The following TRPM3 variants were observed in gnomAD, a reference collection of about 807,000 sequenced individuals.
The protein encoded by TRPM3 is long transient receptor potential channel 3.
A neutral mutation model predicts 181.2 loss-of-function variants in TRPM3; 77 were observed. The ratio of observed to expected loss-of-function variants is 0.42; its 90% CI spans 0.35 to 0.51. TRPM3 has a LOEUF of 0.51. TRPM3 is among the 20% of genes least tolerant of loss of function. The probability of loss-of-function intolerance (pLI) is 0.01; values close to 1 mark genes in which losing one functional copy is unlikely to be tolerated. For missense variants in TRPM3, 1,759 were observed against 2,196.7 expected, an observed-to-expected ratio of 0.80 and a Z score of 3.98; for synonymous variants, 745 against 796.4, an observed-to-expected ratio of 0.94 and a Z score of 1.09.
At chr9:70,643,320 G>C (rs1235882030) in intron 9 of TRPM3, among the ~76,000 whole-genome samples, 1 of 152,190 alleles carries the variant, frequency 6.6e-6, no homozygotes, top group Admixed American at 6.5e-5. Flanking sequence ...GTGCTGACTT[G>C]CTGGAATAGT....
intron 6 of TRPM3, among the ~76,000 whole-genome samples, chr9:70,788,685 C>A (rs1228657232): frequency 6.6e-6 from 1 of 152,046 alleles, no homozygotes; most frequent in Non-Finnish European, 1.5e-5. Context: ...TACAACTCAC[C>A]ATAATGTAGA....
At chr9:71,294,571 G>A (rs1302955384) in intron 1 of TRPM3, among the ~76,000 whole-genome samples, 1 of 148,468 alleles carries the variant, frequency 6.7e-6, no homozygotes, top group East Asian at 1.9e-4. Flanking sequence ...ACTTGGTATT[G>A]TATAGTAGAG....
intron 1 of TRPM3, among the ~76,000 whole-genome samples, chr9:71,048,144 A>C (rs561375140): frequency 1.3e-5 from 2 of 152,308 alleles, no homozygotes; most frequent in Admixed American, 6.5e-5. Flanking sequence ...AACCACAATT[A>C]CTTTTGCACC....
At chr9:71,028,030 G>A (rs1218956498) in intron 1 of TRPM3, among the ~76,000 whole-genome samples, 2 of 152,144 alleles carry the variant, frequency 1.3e-5, no homozygotes, top group East Asian at 3.9e-4. Context: ...CTCCAAGGTA[G>A]AAAAGAAAGA....
intron 1 of TRPM3, among the ~76,000 whole-genome samples, chr9:71,288,840 C>T (rs2085524723): frequency 6.6e-6 from 1 of 151,948 alleles, no homozygotes; most frequent in Non-Finnish European, 1.5e-5. Context: ...CTGGAAGCTC[C>T]CAATGGTTGA....
At chr9:70,841,248 A>C (rs1247900786) in intron 5 of TRPM3, among the ~76,000 whole-genome samples, 3 of 152,124 alleles carry the variant, frequency 2.0e-5, no homozygotes, top group Non-Finnish European at 4.4e-5. Flanking sequence ...TTACTTTTCC[A>C]GTCAGGTCTG....
chr9:70,622,548 A>G (rs999502286), intron 14 of TRPM3, among the ~76,000 whole-genome samples: 1 of 152,254 alleles, frequency 6.6e-6, no homozygotes, highest in Non-Finnish European at 1.5e-5. Context: ...AATAGCATGG[A>G]AAGTGTCAGC....
intron 6 of TRPM3, among the ~76,000 whole-genome samples, chr9:70,796,932 C>A (rs767753343): frequency 4.0e-5 from 6 of 151,854 alleles, no homozygotes; most frequent in Non-Finnish European, 8.8e-5. Context: ...AGTTCAAGAC[C>A]AGCCTGGAAA....
At chr9:70,661,702 G>A (rs577090529) in intron 9 of TRPM3, among the ~76,000 whole-genome samples, 35 of 151,948 alleles carry the variant, frequency 2.3e-4, no homozygotes, top group Middle Eastern at 6.8e-3. Context: ...AAAACCTTAG[G>A]AATACACTTA....
At chr9:70,566,126 T>C (rs757727762) in intron 22 of TRPM3, among the ~76,000 whole-genome samples, 17 of 151,976 alleles carry the variant, frequency 1.1e-4, no homozygotes, top group Non-Finnish European at 1.9e-4. Flanking sequence ...AACAATAGCA[T>C]AATAGATAAA....
At chr9:71,437,864 GAAA>G (rs35701065) in intron 1 of TRPM3, among the ~76,000 whole-genome samples, 4 of 116,408 alleles carry the variant, frequency 3.4e-5, no homozygotes, top group Admixed American at 1.8e-4. Flanking sequence ...CGAAACTCCG[GAAA>G]AAAAAAAAAA....
rs182017106 is a variant in TRPM3, at chr9:70,946,624, A to G, written c.178-82113T>C. On this transcript the variant is annotated intron_variant, in intron 1 of 25. Coordinates refer to ENST00000677713, the MANE Select transcript of TRPM3 (RefSeq NM_001366145.2). Reference sequence around the variant, plus strand: ...CTTTTAAATTTATGTATCTATATCAATGAATTTTCACACATTAAACATATT... The same window carrying G: ...CTTTTAAATTTATGTATCTATATCAGTGAATTTTCACACATTAAACATATT... Among the ~76,000 whole-genome samples the G allele has an allele frequency of 8.8e-4, 134 of 152,254 alleles. 1 individual carries two copies. The highest frequency in any genetic ancestry group is 4.2e-3 in the Admixed American group (64 of 15,268).
Position 71,210,129 on chromosome 9 carries a change from T to C in TRPM3, c.183+236524A>G, listed in dbSNP as rs180902455. On this transcript the variant is annotated intron_variant, in intron 1 of 24. Transcript: ENST00000357533. ...CCATGGCTCACATTACTGCCTAAGCTCCGCCTCCTGTCAGATCAGCTGCAG... is the reference window on the plus strand; with the variant it reads ...CCATGGCTCACATTACTGCCTAAGCCCCGCCTCCTGTCAGATCAGCTGCAG... Among the ~76,000 whole-genome samples, 90 of 152,268 alleles carry C rather than the reference T, an allele frequency of 5.9e-4. 1 individual carries two copies. The Middle Eastern group carries it at 0.01, about 17-fold the overall frequency.
chr9:71,200,854 G>T (rs2078738502), intron 1 of TRPM3, among the ~76,000 whole-genome samples: 1 of 150,680 alleles, frequency 6.6e-6, no homozygotes, highest in Admixed American at 6.6e-5. Context: ...CTTTTAATTG[G>T]AGAATTTAGT....
intron 1 of TRPM3, among the ~76,000 whole-genome samples, chr9:71,151,294 A>G (rs1183331722): frequency 3.3e-5 from 5 of 152,020 alleles, no homozygotes; most frequent in Non-Finnish European, 7.4e-5. Flanking sequence ...GTTTCAGTGA[A>G]TCAAAAGAAT....
intron 5 of TRPM3, among the ~76,000 whole-genome samples, chr9:70,836,338 TCA>T (rs2094320604): frequency 6.6e-6 from 1 of 152,092 alleles, no homozygotes; most frequent in Non-Finnish European, 1.5e-5. Flanking sequence ...AAAAATTCCC[TCA>T]CACTGTGGCT....
intron 1 of TRPM3, chr9:71,446,634 C>A: frequency 6.5e-7 from 1 of 1,547,670 alleles, no homozygotes; most frequent in Non-Finnish European, 8.7e-7. Flanking sequence ...AAGACTGGGG[C>A]TCTCCCCCGG....
At chr9:70,649,192 C>T (rs969622020) in intron 9 of TRPM3, among the ~76,000 whole-genome samples, 6 of 144,194 alleles carry the variant, frequency 4.2e-5, no homozygotes, top group African/African-American at 1.5e-4. Flanking sequence ...TGAACAGACA[C>T]TTTTTTTTTT....
At chr9:70,591,282 A>G in intron 21 of TRPM3, 77 bp from the exon 22 acceptor site, 2 of 1,311,578 alleles carry the variant, frequency 1.5e-6, no homozygotes, top group East Asian at 2.3e-5. Flanking sequence ...GCTGACAATG[A>G]TGGGAACCTT....
Sources: allele counts gnomAD v4.1 joint callset (sites outside exome capture counted in the v4.1 genomes callset), GRCh38; gene constraint gnomAD v4.1.1; transcripts MANE v1.5; gene names NCBI Gene and HGNC (gene_info 2026-07-23, HGNC 2026-07-21).